GUCY1A2: variants seen among roughly 807,000 people sequenced by gnomAD.
The protein encoded by GUCY1A2 is guanylate cyclase 1 soluble subunit alpha 2, also known as guanylate cyclase soluble subunit alpha-2.
Under a neutral mutation model 63.5 loss-of-function variants are expected in GUCY1A2, and 27 were observed. That is an observed-to-expected ratio of 0.43 (90% CI 0.31 to 0.59). The LOEUF is 0.59. GUCY1A2 is among the 20% of genes least tolerant of loss of function. GUCY1A2 has a pLI of 0.11. For synonymous variants in GUCY1A2, 364 were observed against 343.5 expected, an observed-to-expected ratio of 1.06 and a Z score of -0.66; for missense variants, 768 against 913.3, an observed-to-expected ratio of 0.84 and a Z score of 2.05.
chr11:106,726,812 T>A (rs1011257718), intron 6 of GUCY1A2, among the ~76,000 whole-genome samples: 1 of 152,168 alleles, frequency 6.6e-6, no homozygotes, highest in Non-Finnish European at 1.5e-5. Context: ...TTGGGTGAGA[T>A]AAAGGTGGTG....
chr11:106,791,506 C>T (rs910075374), intron 5 of GUCY1A2, among the ~76,000 whole-genome samples: 8 of 150,468 alleles, frequency 5.3e-5, no homozygotes, highest in Non-Finnish European at 1.2e-4. Flanking sequence ...CATGTGCACA[C>T]GTGCTTGTTG....
In GUCY1A2 at chr11:106,810,170, T is replaced by C. The variant is rs1303733144; in HGVS notation, c.1515A>G (p.Gln505=). ...YSIFPGDVAQ[Q]LWQGQQVQAR... is the part of the protein sequence containing the mutation. The stretch of plus-strand genomic sequence containing the variant: ...CCTGTACTTGCTGCCCTTGCCATAA[T>C]TGCTGGGCTACATCACCAGGGAAAA... Residue 505 remains glutamine (Q), a synonymous_variant, in exon 5 of 8, where the codon CAA becomes CAG. Coordinates refer to ENST00000526355, the MANE Select transcript of GUCY1A2 (RefSeq NM_000855.3). 2 of 1,613,612 alleles carry C rather than the reference T, an allele frequency of 1.2e-6. No individual in the cohort carries two copies. The highest frequency in any genetic ancestry group is 1.7e-6 in the Non-Finnish European group (2 of 1,179,570).
chr11:106,878,652 G>A (rs1859783401), intron 4 of GUCY1A2, among the ~76,000 whole-genome samples: 1 of 151,756 alleles, frequency 6.6e-6, no homozygotes, highest in South Asian at 2.1e-4. Context: ...AAGAGGGAGA[G>A]GATCTGGAAA....
chr11:106,694,700 C>T (rs570230866), intron 7 of GUCY1A2, among the ~76,000 whole-genome samples: 3 of 152,288 alleles, frequency 2.0e-5, no homozygotes, highest in South Asian at 2.1e-4. Flanking sequence ...AGTTTCCTGA[C>T]GTCCAAAGGC....
intron 3 of GUCY1A2, among the ~76,000 whole-genome samples, chr11:106,958,070 T>C (rs1458486508): frequency 6.6e-6 from 1 of 152,172 alleles, no homozygotes; most frequent in Non-Finnish European, 1.5e-5. Context: ...TTCCATGCTG[T>C]AGCTATTACA....
chr11:106,698,774 A>C (rs1862767254), intron 7 of GUCY1A2, among the ~76,000 whole-genome samples: 1 of 152,220 alleles, frequency 6.6e-6, no homozygotes, highest in Non-Finnish European at 1.5e-5. Flanking sequence ...AGTACATGAA[A>C]GATGAGATCA....
intron 4 of GUCY1A2, among the ~76,000 whole-genome samples, chr11:106,814,577 A>AT (rs1858806180): frequency 6.6e-6 from 1 of 152,056 alleles, no homozygotes; most frequent in African/African-American, 2.4e-5. Flanking sequence ...CTTCATCCAC[A>AT]TGGGCTGAAA....
intron 3 of GUCY1A2, among the ~76,000 whole-genome samples, chr11:106,971,611 G>A (rs1861195535): frequency 6.6e-6 from 1 of 152,030 alleles, no homozygotes; most frequent in Admixed American, 6.6e-5. Flanking sequence ...GATCCATATG[G>A]TAATGGAGTA....
chr11:106,936,666 C>T (rs1365800710), intron 4 of GUCY1A2: 19 of 1,531,636 alleles, frequency 1.2e-5, no homozygotes, highest in African/African-American at 2.7e-5. Flanking sequence ...ACTGTTGAAT[C>T]CTGCCACTGA....
rs181229618 is a variant in GUCY1A2, at chr11:106,746,709, A to C, written c.1836+29730T>G. On this transcript the variant is annotated intron_variant, in intron 6 of 7. Transcript: ENST00000526355. ...AAAAATAAAAAATCAGTACTGTGAC[A>C]TTTTTTATTTGCATATACATATAGC... The C allele has an allele frequency of 9.0e-4, 765 of 847,220 alleles. 4 individuals carry two copies. The African/African-American group carries it at 0.012, about 13-fold the overall frequency. 52.5% of individuals were successfully genotyped at this position (847,220 alleles called of 1,614,324 possible).
intron 4 of GUCY1A2, among the ~76,000 whole-genome samples, chr11:106,911,868 T>A (rs975861867): frequency 4.6e-5 from 7 of 152,124 alleles, no homozygotes; most frequent in Non-Finnish European, 8.8e-5. Context: ...ATTTAGATTA[T>A]ATTTTTGATG....
chr11:107,015,315 T>C (rs559794456), intron 1 of GUCY1A2, among the ~76,000 whole-genome samples: 4 of 152,290 alleles, frequency 2.6e-5, no homozygotes, highest in African/African-American at 9.6e-5. Flanking sequence ...TATTTTTAAA[T>C]TGCTTATTCT....
Position 106,689,713 on chromosome 11 carries a change from G to A in GUCY1A2, c.1992-1957C>T, listed in dbSNP as rs185998565. The stretch of plus-strand genomic sequence containing the variant: ...GGCTATTATTAAAAAGCCAAGGGCC[G>A]GGCACGGTGGCTCACGCCTGTAATC... On this transcript the variant is annotated intron_variant, in intron 7 of 7. Transcript: ENST00000526355. Among the ~76,000 whole-genome samples the A allele has an allele frequency of 8.9e-4, 136 of 152,196 alleles. 1 individual carries two copies. Among genetic ancestry groups the A allele is most frequent in the Non-Finnish European group, 1.9e-4 (13 of 67,988 alleles).
intron 4 of GUCY1A2, among the ~76,000 whole-genome samples, chr11:106,855,893 T>TTTTCTTTCTTTA (rs536833371): frequency 8.5e-5 from 8 of 94,432 alleles, no homozygotes; most frequent in African/African-American, 2.8e-4. Context: ...GTCTCTTGTA[T>TTTTCTTTCTTTA]TTTATTTATT....
At chr11:106,992,325 C>CTTTTTT (rs11297661) in intron 1 of GUCY1A2, among the ~76,000 whole-genome samples, 3 of 113,754 alleles carry the variant, frequency 2.6e-5, no homozygotes, top group Non-Finnish European at 3.5e-5. Flanking sequence ...AAGAATATGT[C>CTTTTTT]TTTTTTTTTT....
At chr11:106,781,110 T>TGCA (rs1452700964) in intron 5 of GUCY1A2, among the ~76,000 whole-genome samples, 1 of 24,628 alleles carries the variant, frequency 4.1e-5, no homozygotes, top group African/African-American at 2.3e-4. Flanking sequence ...GTAAACAGAC[T>TGCA]ACAAAAAAAA....
At chr11:106,845,855 A>T (rs1859263381) in intron 4 of GUCY1A2, among the ~76,000 whole-genome samples, 1 of 151,676 alleles carries the variant, frequency 6.6e-6, no homozygotes, top group African/African-American at 2.4e-5. Flanking sequence ...GTGTCACCCT[A>T]CAGATAACTT....
intron 4 of GUCY1A2, among the ~76,000 whole-genome samples, chr11:106,831,743 C>A (rs12283041): frequency 1.1e-4 from 16 of 152,166 alleles, no homozygotes; most frequent in African/African-American, 3.9e-4. Flanking sequence ...TGCCTCAGAC[C>A]TATGATGTGA....
In GUCY1A2 at chr11:106,939,944, T is replaced by C. The variant is rs748398069; in HGVS notation, c.722A>G (p.His241Arg). The change falls in exon 4 of 8, where the codon CAC becomes CGC. Residue 241 changes from histidine (H) to arginine (R), a missense_variant. This residue lies in a region of GUCY1A2 where 496 missense variants were observed against 486.9 expected (regional missense o/e 1.02). Transcript: ENST00000526355. ...TGCAAACCCCACAATATGGTGAGGG[T>C]GGAAGTAGTGGAGCATGAGAGTACC... Reference protein sequence around the residue: ...PEGTLMLHYFHPHHIVGFAML... With the variant: ...PEGTLMLHYFRPHHIVGFAML... 1.2e-6 allele frequency: 2 copies of C among 1,613,544 alleles called. No individual in the cohort carries two copies. Among genetic ancestry groups the C allele is most frequent in the Non-Finnish European group, 1.7e-6 (2 of 1,179,744 alleles).
Sources: allele counts gnomAD v4.1 joint callset (sites outside exome capture counted in the v4.1 genomes callset), GRCh38; gene constraint gnomAD v4.1.1; regional missense constraint gnomAD v4.1.1; transcripts MANE v1.5; gene names NCBI Gene and HGNC (gene_info 2026-07-23, HGNC 2026-07-21).